The following EPAS1 variants were observed in gnomAD, a reference collection of about 807,000 sequenced individuals.
EPAS1 encodes endothelial PAS domain-containing protein 1.
Under a neutral mutation model 87.9 loss-of-function variants are expected in EPAS1, and 23 were observed. That is an observed-to-expected ratio of 0.26 (90% confidence interval 0.19 to 0.37). The LOEUF is 0.37. Ranked by LOEUF, EPAS1 falls within the 10% of genes least tolerant of loss-of-function variation. EPAS1 has a pLI of 1.00. For missense variants in EPAS1, 1,138 were observed against 1,120.7 expected, an observed-to-expected ratio of 1.02 and a Z score of -0.22; for synonymous variants, 508 against 444.3, an observed-to-expected ratio of 1.14 and a Z score of -1.80.
intron 1 of EPAS1, among the ~76,000 whole-genome samples, chr2:46,332,273 GAAAAAAAA>G (rs10566727): frequency 7.4e-6 from 1 of 135,668 alleles, no homozygotes; most frequent in Non-Finnish European, 1.6e-5. Flanking sequence ...GTGTTTCACA[GAAAAAAAA>G]AAAAAAATAC....
At chr2:46,339,125 A>T (rs1203616653) in intron 1 of EPAS1, among the ~76,000 whole-genome samples, 2 of 152,252 alleles carry the variant, frequency 1.3e-5, no homozygotes, top group Non-Finnish European at 2.9e-5. Flanking sequence ...ATGATGTGAT[A>T]TTGCTGGCTA....
chr2:46,338,067 C>G (rs1683831306), intron 1 of EPAS1, among the ~76,000 whole-genome samples: 1 of 152,166 alleles, frequency 6.6e-6, no homozygotes, highest in South Asian at 2.1e-4. Context: ...TCAGCTAAAT[C>G]TTTTGAACCT....
chr2:46,310,324 G>C (rs1572614235), intron 1 of EPAS1, among the ~76,000 whole-genome samples: 1 of 151,878 alleles, frequency 6.6e-6, no homozygotes, highest in South Asian at 2.1e-4. Context: ...CTGGATTCTA[G>C]GTTTTTGAGT....
intron 1 of EPAS1, among the ~76,000 whole-genome samples, chr2:46,330,945 C>G (rs1683661092): frequency 6.6e-6 from 1 of 151,810 alleles, no homozygotes; most frequent in Admixed American, 6.6e-5. Context: ...TTTTTCCTCC[C>G]CATTTTGGGT....
chr2:46,333,830 A>G (rs1683735041), intron 1 of EPAS1, among the ~76,000 whole-genome samples: 1 of 152,010 alleles, frequency 6.6e-6, no homozygotes, highest in Non-Finnish European at 1.5e-5. Flanking sequence ...ATCTGACTCA[A>G]ATTTTATTCT....
rs577703673 is a variant in EPAS1, at chr2:46,321,560, T to G, written c.26+23623T>G. ...ATTTTCTGTTTTTTGTTTTGTTTTGTTTTTGTTTTTAGATATCAGCCATCC... is the reference window on the plus strand; with the variant it reads ...ATTTTCTGTTTTTTGTTTTGTTTTGGTTTTGTTTTTAGATATCAGCCATCC... On this transcript the variant is annotated intron_variant, in intron 1 of 15. Coordinates refer to ENST00000263734, the MANE Select transcript of EPAS1 (RefSeq NM_001430.5). Among the ~76,000 whole-genome samples the G allele has an allele frequency of 8.5e-5, 13 of 152,326 alleles. No homozygotes were observed. The South Asian group carries it at 2.7e-3, about 32-fold the overall frequency.
At chr2:46,312,191 C>G (rs1266476257) in intron 1 of EPAS1, among the ~76,000 whole-genome samples, 6 of 152,148 alleles carry the variant, frequency 3.9e-5, no homozygotes, top group Non-Finnish European at 1.5e-5. Context: ...TTTTATCTTG[C>G]CAAACGGATT....
chr2:46,338,192 G>A (rs1322046279), intron 1 of EPAS1, among the ~76,000 whole-genome samples: 1 of 152,148 alleles, frequency 6.6e-6, no homozygotes, highest in Admixed American at 6.5e-5. Flanking sequence ...GGTGATGGCT[G>A]GGCATGCCAC....
chr2:46,377,705 C>G (rs1011956360), intron 9 of EPAS1, among the ~76,000 whole-genome samples, 189 bp from the exon 10 acceptor site: 1 of 152,196 alleles, frequency 6.6e-6, no homozygotes, highest in Non-Finnish European at 1.5e-5. Context: ...AAGGGAGTCT[C>G]TACGTTGACT....
intron 1 of EPAS1, among the ~76,000 whole-genome samples, chr2:46,331,961 T>G (rs1683683538): frequency 6.6e-6 from 1 of 152,220 alleles, no homozygotes; most frequent in African/African-American, 2.4e-5. Context: ...TAAAGTAGAA[T>G]TAGCAGTGCT....
At chr2:46,328,764 G>C (rs1683613470) in intron 1 of EPAS1, among the ~76,000 whole-genome samples, 1 of 152,208 alleles carries the variant, frequency 6.6e-6, no homozygotes, top group Non-Finnish European at 1.5e-5. Context: ...GGTTCAGAAA[G>C]GTGAAATGTA....
At chr2:46,379,416 A>G (rs1684830475) in intron 11 of EPAS1, among the ~76,000 whole-genome samples, 1 of 152,156 alleles carries the variant, frequency 6.6e-6, no homozygotes, top group African/African-American at 2.4e-5. Context: ...CCTACTTGGC[A>G]CAAATCCCAG....
Position 46,384,468 on chromosome 2 carries a change from C to A in EPAS1, c.2462-41C>A, listed in dbSNP as rs373897952. 5 of 1,613,814 alleles carry A rather than the reference C, an allele frequency of 3.1e-6. No homozygotes were observed. The African/African-American group carries it at 6.7e-5, about 22-fold the overall frequency. On this transcript the variant is annotated intron_variant, in intron 15 of 15. Coordinates refer to ENST00000263734, the MANE Select transcript of EPAS1 (RefSeq NM_001430.5). The stretch of plus-strand genomic sequence containing the variant: ...AGAAGTAGACACTTTTCCAAATGTT[C>A]GATTTAGGCCTTTAAGTTATGGTAC...
At chr2:46,342,911 G>A (rs1683939711) in intron 1 of EPAS1, among the ~76,000 whole-genome samples, 1 of 152,038 alleles carries the variant, frequency 6.6e-6, no homozygotes, top group Non-Finnish European at 1.5e-5. Context: ...ACTTTAGCTG[G>A]GATCAAACGT....
chr2:46,305,283 C>G (rs988005847), intron 1 of EPAS1, among the ~76,000 whole-genome samples: 3 of 152,174 alleles, frequency 2.0e-5, no homozygotes, highest in African/African-American at 4.8e-5. Context: ...GTGGAATGGA[C>G]AAGAATGTTA....
chr2:46,350,249 C>T (rs1404242308), intron 2 of EPAS1, among the ~76,000 whole-genome samples: 2 of 152,234 alleles, frequency 1.3e-5, no homozygotes, highest in Admixed American at 6.5e-5. Context: ...AAACAACCCA[C>T]ACATTCATTA....
chr2:46,369,503 G>A (rs902375708), intron 6 of EPAS1, among the ~76,000 whole-genome samples: 1 of 152,184 alleles, frequency 6.6e-6, no homozygotes, highest in African/African-American at 2.4e-5. Context: ...AAAACTTGGG[G>A]TGAGCCCCTT....
At position 46,347,354 on chromosome 2, in the gene EPAS1, G is replaced by A; in HGVS notation, c.217+291G>A. The A allele has an allele frequency of 2.0e-6, 1 of 492,640 alleles. No individual in the cohort carries two copies. The highest frequency in any genetic ancestry group is 3.7e-6 in the Non-Finnish European group (1 of 268,750). 30.5% of individuals were successfully genotyped at this position (492,640 alleles called of 1,614,324 possible). On this transcript the variant is annotated intron_variant, in intron 2 of 15. Transcript: ENST00000263734. This position sits in a 1 kb window ranked among gnomAD's most constrained non-coding sequence, Gnocchi z 4.2. ...GCTGGGAGAACCAAGGACGGCTTTT[G>A]CTGACTTCTCAATTTGTTGCCATCT... is the stretch of plus-strand genomic sequence containing the variant.
At chr2:46,378,806 C>A (rs1249242216) in intron 11 of EPAS1, 39 bp downstream of exon 11, 2 of 1,522,640 alleles carry the variant, frequency 1.3e-6, no homozygotes, top group African/African-American at 1.4e-5. Context: ...TGTGTGCCTG[C>A]TGTCTGGTGG....
Sources: allele counts gnomAD v4.1 joint callset (sites outside exome capture counted in the v4.1 genomes callset), GRCh38; gene constraint gnomAD v4.1.1; non-coding constraint Gnocchi (gnomAD v3.1); transcripts MANE v1.5; gene names NCBI Gene and HGNC (gene_info 2026-07-23, HGNC 2026-07-21).